The following CCDC91 variants were observed in gnomAD, a reference collection of about 807,000 sequenced individuals.
CCDC91 encodes the protein coiled-coil domain containing 91, also known as coiled-coil domain-containing protein 91.
In CCDC91, 48 loss-of-function variants were observed where a neutral mutation model predicts 63.2. That is an observed-to-expected ratio of 0.76 (90% confidence interval 0.60 to 0.97). CCDC91 has a LOEUF of 0.97. CCDC91 is among the 50% of genes least tolerant of loss of function. The pLI is 0.00. For synonymous variants in CCDC91, 167 were observed against 165.8 expected, an observed-to-expected ratio of 1.01 and a Z score of -0.06; for missense variants, 500 against 494.6, an observed-to-expected ratio of 1.01 and a Z score of -0.10.
At chr12:28,358,395 CG>C (rs2138449560) in intron 6 of CCDC91, among the ~76,000 whole-genome samples, 1 of 152,306 alleles carries the variant, frequency 6.6e-6, no homozygotes, top group Admixed American at 6.5e-5. Context: ...AAACACCTTT[CG>C]TACTTCCCAA....
At chr12:28,374,796 ACT>A (rs568628884) in intron 7 of CCDC91, among the ~76,000 whole-genome samples, 321 of 152,198 alleles carry the variant, frequency 2.1e-3, no homozygotes, top group African/African-American at 7.3e-3. Flanking sequence ...TGAGTATGTA[ACT>A]CTGTGTTCAT....
chr12:28,496,931 CATATATATATACATAT>C (rs1952322532), intron 12 of CCDC91, among the ~76,000 whole-genome samples: 1 of 141,460 alleles, frequency 7.1e-6, no homozygotes, highest in African/African-American at 2.6e-5. Context: ...TATATATATA[CATATATATATACATAT>C]ATATATATAT....
intron 7 of CCDC91, among the ~76,000 whole-genome samples, chr12:28,381,470 C>T (rs1270732450): frequency 6.6e-6 from 1 of 151,948 alleles, no homozygotes; most frequent in Non-Finnish European, 1.5e-5. Context: ...ATTTTGCTCC[C>T]ATTGGTATTT....
intron 12 of CCDC91, among the ~76,000 whole-genome samples, chr12:28,524,793 C>A (rs546461815): frequency 6.6e-6 from 1 of 151,850 alleles, no homozygotes; most frequent in Non-Finnish European, 1.5e-5. Context: ...TTGGTCTGTT[C>A]TAAGTATCTA....
rs1013532922 is a variant in CCDC91, at chr12:28,394,925, G to A, written c.762+3514G>A. 2.0e-5 allele frequency among the ~76,000 whole-genome samples: 3 copies of A among 151,974 alleles called. No individual in the cohort carries two copies. The South Asian group carries it at 6.2e-4, about 32-fold the overall frequency. On this transcript the variant is annotated intron_variant, in intron 8 of 12. Coordinates refer to ENST00000536442, the MANE Select transcript of CCDC91 (RefSeq NM_018318.5). The stretch of plus-strand genomic sequence containing the variant: ...TTACTACCTCATAGTACTATTATAT[G>A]TATTATATGACATCAGATGTGCAAT...
At chr12:28,422,224 G>A (rs1299875723) in intron 8 of CCDC91, among the ~76,000 whole-genome samples, 1 of 151,994 alleles carries the variant, frequency 6.6e-6, no homozygotes, top group East Asian at 1.9e-4. Flanking sequence ...TCAAAATAGA[G>A]TTTGGCTTTC....
intron 6 of CCDC91, among the ~76,000 whole-genome samples, chr12:28,343,542 A>G (rs1452668268): frequency 2.0e-5 from 3 of 152,096 alleles, no homozygotes; most frequent in Non-Finnish European, 4.4e-5. Flanking sequence ...TGAGTTTCCT[A>G]TTACACAGAA....
intron 12 of CCDC91, among the ~76,000 whole-genome samples, chr12:28,487,352 T>TA (rs202157759): frequency 0.02 from 2,963 of 151,928 alleles, 87 homozygotes; most frequent in African/African-American, 0.068. Context: ...ATGTAAATTT[T>TA]AAAAAATTGA....
chr12:28,469,151 TA>T (rs1206600067), intron 11 of CCDC91, among the ~76,000 whole-genome samples: 18 of 152,126 alleles, frequency 1.2e-4, no homozygotes, highest in Non-Finnish European at 2.4e-4. Context: ...AAATTATAAT[TA>T]TTTTTTTTGC....
intron 6 of CCDC91, among the ~76,000 whole-genome samples, chr12:28,355,449 A>G (rs1032947975): frequency 1.3e-5 from 2 of 152,178 alleles, no homozygotes; most frequent in Non-Finnish European, 2.9e-5. Context: ...TGGAGAATTG[A>G]CAATGGCAAC....
chr12:28,302,555 A>T (rs1198437059), intron 3 of CCDC91: 1 of 739,356 alleles, frequency 1.4e-6, no homozygotes, highest in Non-Finnish European at 1.7e-6. Flanking sequence ...TCCATTTCTT[A>T]TGGCTTTTAC....
In CCDC91 at chr12:28,431,826, C is replaced by G. The variant is rs1318635716; in HGVS notation, c.763-18335C>G. 3.9e-5 allele frequency among the ~76,000 whole-genome samples: 6 copies of G among 152,040 alleles called. No individual in the cohort carries two copies. In the East Asian group the frequency reaches 7.7e-4, roughly 20 times the overall value. On this transcript the variant is annotated intron_variant, in intron 8 of 12. Transcript: ENST00000536442. ...CTGACAAATGTGTAATGACATATAT[C>G]CAATAATGTAATATGATACAAAATA...
At chr12:28,297,929 G>A (rs1404411170) in intron 3 of CCDC91, among the ~76,000 whole-genome samples, 3 of 151,654 alleles carry the variant, frequency 2.0e-5, no homozygotes, top group African/African-American at 7.3e-5. Context: ...ATAACATTTT[G>A]TGTCTATATA....
At chr12:28,459,534 C>T (rs746409552) in intron 11 of CCDC91, among the ~76,000 whole-genome samples, 8 of 152,070 alleles carry the variant, frequency 5.3e-5, no homozygotes, top group South Asian at 2.1e-4. Flanking sequence ...AATAGTGCTT[C>T]GGATGTTATT....
At chr12:28,196,398 G>A (rs1196777664) in intron 1 of CCDC91, among the ~76,000 whole-genome samples, 1 of 152,186 alleles carries the variant, frequency 6.6e-6, no homozygotes, top group Non-Finnish European at 1.5e-5. Flanking sequence ...TGCTGGTAGA[G>A]ACAGCTTTAT....
chr12:28,246,383 CTAT>C (rs1169038510), intron 1 of CCDC91, among the ~76,000 whole-genome samples: 1 of 152,074 alleles, frequency 6.6e-6, no homozygotes, highest in Non-Finnish European at 1.5e-5. Flanking sequence ...ACACTTTTCT[CTAT>C]TATTTGTTGT....
At chr12:28,276,174 G>A (rs1392751245) in intron 3 of CCDC91, among the ~76,000 whole-genome samples, 1 of 151,748 alleles carries the variant, frequency 6.6e-6, no homozygotes, top group Non-Finnish European at 1.5e-5. Context: ...AAGACATTTG[G>A]CATCTTTATG....
chr12:28,521,062 T>A lies in CCDC91; in HGVS notation c.1216-28001T>A, dbSNP rs529080237. Among the ~76,000 whole-genome samples, 5 of 152,314 alleles carry A rather than the reference T, an allele frequency of 3.3e-5. 1 individual carries two copies. The South Asian group carries it at 1.0e-3, about 32-fold the overall frequency. On this transcript the variant is annotated intron_variant, in intron 12 of 12. Coordinates refer to ENST00000536442, the MANE Select transcript of CCDC91 (RefSeq NM_018318.5). Reference sequence around the variant, plus strand: ...ATTGACTTGGCAATGCGGGCTCTTTTTGGGTTCCATATGAACTTTAAAGTA... The same window carrying A: ...ATTGACTTGGCAATGCGGGCTCTTTATGGGTTCCATATGAACTTTAAAGTA...
rs1359907512 is a variant in CCDC91, at chr12:28,536,038, A to AT, written c.1216-13025_1216-13024insT. Among the ~76,000 whole-genome samples, 430 of 151,844 alleles carry AT rather than the reference A, an allele frequency of 2.8e-3. 7 individuals are homozygous for AT. Among genetic ancestry groups the AT allele is most frequent in the African/African-American group, 9.2e-3 (379 of 41,348 alleles). On this transcript the variant is annotated intron_variant, in intron 12 of 12. Transcript: ENST00000536442. Reference sequence around the variant, plus strand: ...GGCAAGACTCCATCTCAAAAAAAAAAAAAAATATATATTGTGGGAAATGGA... The same window carrying AT: ...GGCAAGACTCCATCTCAAAAAAAAAATAAAAATATATATTGTGGGAAATGGA...
Sources: gnomAD v4.1 joint callset for allele counts (sites outside exome capture counted in the v4.1 genomes callset) on GRCh38, gnomAD v4.1.1 for gene constraint, MANE v1.5 for transcripts, NCBI Gene and HGNC (gene_info 2026-07-23, HGNC 2026-07-21) for gene names.